Variants in SCMH1 observed in about 807,000 individuals in gnomAD.
SCMH1 encodes the protein Scm polycomb group protein homolog 1, also known as polycomb protein SCMH1.
In SCMH1, 37 loss-of-function variants were observed where a neutral mutation model predicts 70.8. That is an observed-to-expected ratio of 0.52 (90% CI 0.40 to 0.69). The LOEUF (loss-of-function observed/expected upper bound fraction) is 0.69, where lower values mean the gene tolerates loss of function less well. SCMH1 is among the 30% of genes least tolerant of loss of function. The pLI is 0.00. For missense variants in SCMH1, 607 were observed against 827.3 expected (o/e 0.73, Z 3.27); for synonymous variants, 292 against 307.4 (o/e 0.95, Z 0.52).
intron 8 of SCMH1, among the ~76,000 whole-genome samples, chr1:41,102,115 A>G (rs1666783010): frequency 6.6e-6 from 1 of 152,210 alleles, no homozygotes; most frequent in Non-Finnish European, 1.5e-5. Context: ...ACAACAGAGC[A>G]TAGGGAATTG....
At chr1:41,121,884 T>A (rs139745515) in intron 6 of SCMH1, among the ~76,000 whole-genome samples, 55 of 152,256 alleles carry the variant, frequency 3.6e-4, no homozygotes, top group Non-Finnish European at 6.3e-4. Context: ...CTAGAAGTCA[T>A]CCTTGATTCT....
intron 8 of SCMH1, among the ~76,000 whole-genome samples, chr1:41,111,203 A>C (rs1458481907): frequency 6.6e-6 from 1 of 152,108 alleles, no homozygotes; most frequent in Non-Finnish European, 1.5e-5. Flanking sequence ...TTTAAAGTAA[A>C]TCAAATCTTG....
At position 41,139,991 on chromosome 1, in the gene SCMH1, C is replaced by T. The variant is rs190722662; in HGVS notation, c.412+2887G>A. On this transcript the variant is annotated intron_variant, in intron 6 of 14. Transcript: ENST00000337495. ...TAAGTTGGTGGTACAGTCACTTAGACAGAAACTAATCTAAATGACCTTATA... is the reference window on the plus strand; with the variant it reads ...TAAGTTGGTGGTACAGTCACTTAGATAGAAACTAATCTAAATGACCTTATA... Among the ~76,000 whole-genome samples the T allele has an allele frequency of 2.8e-4, 43 of 152,186 alleles. No homozygotes were observed. The East Asian group carries it at 6.4e-3, about 23-fold the overall frequency.
intron 5 of SCMH1, among the ~76,000 whole-genome samples, chr1:41,148,822 G>A (rs1415366263): frequency 2.0e-5 from 3 of 151,886 alleles, no homozygotes; most frequent in Non-Finnish European, 4.4e-5. Flanking sequence ...ACACAGTCTC[G>A]CTCTGTCGCC....
At position 41,094,283 on chromosome 1, in the gene SCMH1, A is replaced by G. The variant is rs535863325; in HGVS notation, c.746-18832T>C. 5.3e-5 allele frequency among the ~76,000 whole-genome samples: 8 copies of G among 152,318 alleles called. No individual in the cohort carries two copies. In the South Asian group the frequency reaches 1.5e-3, roughly 28 times the overall value. On this transcript the variant is annotated intron_variant, in intron 8 of 14. Coordinates refer to ENST00000337495, the Ensembl canonical transcript of SCMH1. The stretch of plus-strand genomic sequence containing the variant: ...CCTGCAACATGTGGCAATCAAGTAT[A>G]TCATTACTATTACTATAGTTGGTGC...
chr1:41,081,940 T>G (rs1302960128), intron 8 of SCMH1, among the ~76,000 whole-genome samples: 1 of 152,152 alleles, frequency 6.6e-6, no homozygotes, highest in Non-Finnish European at 1.5e-5. Flanking sequence ...AATGTGCCCT[T>G]GCAATTCTGT....
In SCMH1 at chr1:41,197,923, T is replaced by C. The variant is rs558191058; in HGVS notation, c.-117-11673A>G. ...TCATCTTCTAATAAACATATTCCTTTTCTGGATAATGTTACTATCTATACA... is the reference window on the plus strand; with the variant it reads ...TCATCTTCTAATAAACATATTCCTTCTCTGGATAATGTTACTATCTATACA... On this transcript the variant is annotated intron_variant, in intron 1 of 14. Coordinates refer to ENST00000337495, the Ensembl canonical transcript of SCMH1. Among the ~76,000 whole-genome samples, 7 of 152,282 alleles carry C rather than the reference T, an allele frequency of 4.6e-5. No homozygotes were observed. In the East Asian group the frequency reaches 7.7e-4, roughly 17 times the overall value.
At chr1:41,081,632 C>T (rs923192876) in intron 8 of SCMH1, among the ~76,000 whole-genome samples, 5 of 152,046 alleles carry the variant, frequency 3.3e-5, no homozygotes, top group African/African-American at 1.2e-4. Flanking sequence ...AGCCTTGCAA[C>T]ATAGCATGAC....
chr1:41,176,922 G>A (rs1386092478), intron 2 of SCMH1, among the ~76,000 whole-genome samples: 2 of 152,136 alleles, frequency 1.3e-5, no homozygotes, highest in Non-Finnish European at 2.9e-5. Context: ...GCTCACAGAT[G>A]GAAATCTGAG....
intron 8 of SCMH1, among the ~76,000 whole-genome samples, chr1:41,112,329 TAAG>T (rs1669449674): frequency 6.6e-6 from 1 of 152,140 alleles, no homozygotes; most frequent in Admixed American, 6.5e-5. Flanking sequence ...CCTCAGACAA[TAAG>T]AAGGGTGACT....
At chr1:41,152,027 G>T (rs187533405) in intron 4 of SCMH1, among the ~76,000 whole-genome samples, 1 of 152,126 alleles carries the variant, frequency 6.6e-6, no homozygotes, top group African/African-American at 2.4e-5. Context: ...GAAAGTGGGT[G>T]GGGAGATTCC....
intron 8 of SCMH1, among the ~76,000 whole-genome samples, chr1:41,091,154 G>A (rs576170775): frequency 1.6e-4 from 25 of 151,884 alleles, no homozygotes; most frequent in African/African-American, 5.8e-4. Context: ...CTGGCAAACC[G>A]AATCCAGCAG....
intron 8 of SCMH1, among the ~76,000 whole-genome samples, chr1:41,112,817 T>C (rs137912349): frequency 2.0e-5 from 3 of 152,328 alleles, no homozygotes; most frequent in East Asian, 1.9e-4. Flanking sequence ...AAGGCAAAGA[T>C]GGACCTCAAA....
chr1:41,040,134 A>G (rs1049641612), intron 12 of SCMH1, among the ~76,000 whole-genome samples: 3 of 152,154 alleles, frequency 2.0e-5, no homozygotes, highest in Non-Finnish European at 2.9e-5. Flanking sequence ...CCTAGGGTCA[A>G]TGTAAAATAT....
At chr1:41,157,763 A>C (rs1645674981) in intron 4 of SCMH1, among the ~76,000 whole-genome samples, 1 of 152,186 alleles carries the variant, frequency 6.6e-6, no homozygotes, top group Non-Finnish European at 1.5e-5. Context: ...CAAAAATTTT[A>C]CATTTTCTGT....
chr1:41,177,809 C>T (rs994425157), intron 2 of SCMH1, among the ~76,000 whole-genome samples: 8 of 152,188 alleles, frequency 5.3e-5, no homozygotes, highest in Non-Finnish European at 8.8e-5. Context: ...AGTTGGAAAA[C>T]ACTCTTCAGG....
intron 1 of SCMH1, among the ~76,000 whole-genome samples, chr1:41,219,787 C>T (rs369709857): frequency 4.6e-5 from 7 of 152,130 alleles, no homozygotes; most frequent in East Asian, 3.9e-4. Flanking sequence ...CAAACTTACC[C>T]GGGTATGGTG....
At chr1:41,043,426 GTT>G (rs368412849) in intron 12 of SCMH1, 3 of 134,234 alleles carry the variant, frequency 2.2e-5, no homozygotes, top group Non-Finnish European at 3.2e-5. Flanking sequence ...AATTTCATTA[GTT>G]TTTTTTTTTT....
chr1:41,210,551 C>T (rs554524223), intron 1 of SCMH1, among the ~76,000 whole-genome samples: 1 of 152,182 alleles, frequency 6.6e-6, no homozygotes, highest in Admixed American at 6.5e-5. Flanking sequence ...AGAAATAAAA[C>T]CACACATCTA....
Sources: gnomAD v4.1 joint callset for allele counts (sites outside exome capture counted in the v4.1 genomes callset) on GRCh38, gnomAD v4.1.1 for gene constraint, MANE v1.5 for transcripts, NCBI Gene and HGNC (gene_info 2026-07-23, HGNC 2026-07-21) for gene names.